The following NUTF2 variants were observed in gnomAD, a reference collection of about 807,000 sequenced individuals.
NUTF2 encodes placental protein 15.
NUTF2 carries 3 observed loss-of-function variants against 18.5 expected under a neutral mutation model. That is an observed-to-expected ratio of 0.16 (90% CI 0.07 to 0.42). NUTF2 has a LOEUF of 0.42. NUTF2 is among the 10% of genes least tolerant of loss of function. NUTF2 has a pLI of 0.99. For missense variants in NUTF2, 44 were observed against 160.7 expected (o/e 0.27, Z 3.93); for synonymous variants, 51 against 57.9 (o/e 0.88, Z 0.54).
intron 1 of NUTF2, among the ~76,000 whole-genome samples, chr16:67,861,435 G>A (rs938757603): frequency 2.0e-5 from 3 of 152,220 alleles, no homozygotes; most frequent in Non-Finnish European, 4.4e-5. Context: ...TTTTAACCTG[G>A]GATCTATGGC....
intron 2 of NUTF2, among the ~76,000 whole-genome samples, chr16:67,865,812 G>C (rs2057967268): frequency 6.6e-6 from 1 of 150,566 alleles, no homozygotes; most frequent in South Asian, 2.1e-4. Context: ...TCCGCCTCCT[G>C]GGTTCAAGTG....
intron 2 of NUTF2, 148 bp from the exon 3 acceptor site, chr16:67,868,192 G>A (rs2057987526): frequency 1.5e-6 from 1 of 650,736 alleles, no homozygotes; most frequent in East Asian, 2.7e-5. Flanking sequence ...GTAATGTTTG[G>A]GGGCTATACT....
chr16:67,870,465 G>A (rs1280987843), intron 4 of NUTF2: 3 of 271,426 alleles, frequency 1.1e-5, no homozygotes, highest in Non-Finnish European at 2.1e-5. Flanking sequence ...TATGGGATTC[G>A]TTTCAAAATT....
rs533326090 is a variant in NUTF2, at chr16:67,872,418, A to G, written c.*1505A>G. The G allele has an allele frequency of 2.0e-5, 3 of 152,324 alleles. No homozygotes were observed. Among genetic ancestry groups the G allele is most frequent in the Non-Finnish European group, 4.4e-5 (3 of 68,028 alleles). 9.4% of individuals were successfully genotyped at this position (152,324 alleles called of 1,614,324 possible). The stretch of plus-strand genomic sequence containing the variant: ...AGCATGCTCAGGAGATTTCAGTGGG[A>G]ATGATCTCTAGGCTGATGTGTATTT... On this transcript the variant is annotated 3_prime_UTR_variant, in exon 5 of 5. Transcript: ENST00000219169.
chr16:67,849,789 G>T (rs536983679), intron 1 of NUTF2, among the ~76,000 whole-genome samples: 14 of 152,200 alleles, frequency 9.2e-5, no homozygotes, highest in African/African-American at 3.4e-4. Context: ...CTCCCGAGTA[G>T]CTGGGACTAC....
At chr16:67,867,762 C>G (rs952000735) in intron 2 of NUTF2, among the ~76,000 whole-genome samples, 24 of 152,196 alleles carry the variant, frequency 1.6e-4, no homozygotes, top group African/African-American at 5.5e-4. Context: ...TTTCGGCTCG[C>G]TACAAACCGC....
At chr16:67,851,487 A>G (rs1402383006) in intron 1 of NUTF2, among the ~76,000 whole-genome samples, 3 of 151,862 alleles carry the variant, frequency 2.0e-5, no homozygotes, top group Non-Finnish European at 4.4e-5. Flanking sequence ...CTCAAAAAAC[A>G]AGGGAGACCA....
At chr16:67,852,348 T>C (rs1055297338) in intron 1 of NUTF2, among the ~76,000 whole-genome samples, 1 of 151,820 alleles carries the variant, frequency 6.6e-6, no homozygotes, top group African/African-American at 2.4e-5. Context: ...ATTATCTTTT[T>C]TTCTTTTTTT....
chr16:67,864,101 G>A (rs1186960910), intron 1 of NUTF2, among the ~76,000 whole-genome samples: 1 of 152,156 alleles, frequency 6.6e-6, no homozygotes, highest in Non-Finnish European at 1.5e-5. Flanking sequence ...AAGTGGGTAG[G>A]AGTCACTCCC....
chr16:67,864,851 G>A (rs867416941), intron 1 of NUTF2, among the ~76,000 whole-genome samples: 13 of 152,040 alleles, frequency 8.6e-5, no homozygotes, highest in African/African-American at 2.7e-4. Flanking sequence ...TGTGCTCCAC[G>A]ACCCTATCAT....
chr16:67,854,497 C>T (rs2057881625), intron 1 of NUTF2, among the ~76,000 whole-genome samples: 1 of 152,222 alleles, frequency 6.6e-6, no homozygotes, highest in Non-Finnish European at 1.5e-5. Flanking sequence ...CAGAGGGAAA[C>T]AGGAGACAGC....
intron 1 of NUTF2, among the ~76,000 whole-genome samples, chr16:67,857,062 A>G (rs1007772948): frequency 2.0e-5 from 3 of 152,088 alleles, no homozygotes; most frequent in Non-Finnish European, 2.9e-5. Flanking sequence ...TCTCAGTCTC[A>G]GCGTGTCACA....
intron 1 of NUTF2, among the ~76,000 whole-genome samples, chr16:67,864,589 G>A (rs117878082): frequency 0.03 from 4,609 of 151,756 alleles, 159 homozygotes; most frequent in Non-Finnish European, 0.039. Context: ...ATCTGTCAGC[G>A]TAGCCCTGGG....
At chr16:67,869,057 C>G (rs533880728) in intron 4 of NUTF2, among the ~76,000 whole-genome samples, 2 of 150,904 alleles carry the variant, frequency 1.3e-5, no homozygotes, top group African/African-American at 4.9e-5. Context: ...GCCTGCTGAG[C>G]AAAGCAGATT....
At position 67,865,221 on chromosome 16, in the gene NUTF2, G is replaced by A. The variant is rs146730920; in HGVS notation, c.91G>A (p.Ala31Thr). ...TGATAATGATAGAACCCAACTAGGC[G>A]CAATTTACGTAAGTTTCCAGCTCTA... ...LFDNDRTQLG[A>T]IYIDASCLTW... is the part of the protein sequence containing the mutation. The change falls in exon 2 of 5, where the codon GCA (alanine) becomes ACA (threonine). Residue 31 changes from alanine to threonine, a missense_variant. Physicochemically the swap from Ala to Thr is moderately conservative, Grantham distance 58. Coordinates refer to ENST00000219169, the MANE Select transcript of NUTF2 (RefSeq NM_005796.3). 6 of 1,609,910 alleles carry A rather than the reference G, an allele frequency of 3.7e-6. No homozygotes were observed. The highest frequency in any genetic ancestry group is 5.1e-6 in the Non-Finnish European group (6 of 1,176,416).
At chr16:67,855,895 G>T (rs1220337634) in intron 1 of NUTF2, 5 of 453,592 alleles carry the variant, frequency 1.1e-5, no homozygotes, top group South Asian at 7.7e-5. Flanking sequence ...GGCGGGGGGG[G>T]GGGATGGGGG....
At chr16:67,865,319 C>G in intron 2 of NUTF2, 90 bp downstream of exon 2, 1 of 884,708 alleles carries the variant, frequency 1.1e-6, no homozygotes, top group African/African-American at 1.6e-5. Context: ...TCTGGCAGCC[C>G]TATCTGGACT....
intron 1 of NUTF2, among the ~76,000 whole-genome samples, chr16:67,853,869 A>C (rs982770221): frequency 6.6e-6 from 1 of 151,894 alleles, no homozygotes; most frequent in African/African-American, 2.4e-5. Context: ...CTGGTCTCAG[A>C]ACTCTTGAGC....
intron 1 of NUTF2, among the ~76,000 whole-genome samples, chr16:67,860,885 G>A (rs898533093): frequency 2.6e-5 from 4 of 152,216 alleles, no homozygotes; most frequent in Admixed American, 6.5e-5. Flanking sequence ...GTAGAACAGG[G>A]TTGTGACCTC....
Sources: allele counts gnomAD v4.1 joint callset (sites outside exome capture counted in the v4.1 genomes callset), GRCh38; gene constraint gnomAD v4.1.1; transcripts MANE v1.5; gene names NCBI Gene and HGNC (gene_info 2026-07-23, HGNC 2026-07-21).